DPF3: variants seen among roughly 807,000 people sequenced by gnomAD.
DPF3 encodes the protein zinc finger protein DPF3.
In DPF3, 18 loss-of-function variants were observed where a neutral mutation model predicts 56.8. That is an observed-to-expected ratio of 0.32 (90% CI 0.22 to 0.47). The LOEUF is 0.47. Ranked by LOEUF, DPF3 falls within the 20% of genes least tolerant of loss-of-function variation. The pLI is 1.00. For synonymous variants in DPF3, 188 were observed against 180.2 expected (o/e 1.04, Z -0.35); for missense variants, 403 against 488.8 (o/e 0.82, Z 1.65).
chr14:72,690,237 C>T (rs1028088169), intron 7 of DPF3, among the ~76,000 whole-genome samples: 2 of 152,152 alleles, frequency 1.3e-5, no homozygotes, highest in African/African-American at 4.8e-5. Flanking sequence ...GGCTGTGTGG[C>T]CTCAAGGGGA....
intron 8 of DPF3, among the ~76,000 whole-genome samples, chr14:72,643,209 C>T (rs1885611955): frequency 6.6e-6 from 1 of 152,224 alleles, no homozygotes; most frequent in Non-Finnish European, 1.5e-5. Flanking sequence ...CTAAATATAG[C>T]AACATTTTCT....
intron 8 of DPF3, chr14:72,662,157 A>T (rs1886244011): frequency 1.0e-6 from 1 of 985,284 alleles, no homozygotes. Flanking sequence ...AGGAGGAAAA[A>T]AAAACTGAGC....
intron 2 of DPF3, among the ~76,000 whole-genome samples, chr14:72,762,342 C>A (rs761481215): frequency 6.6e-6 from 1 of 151,676 alleles, no homozygotes; most frequent in Non-Finnish European, 1.5e-5. Context: ...AATAGCATAA[C>A]AAAGTGGGGT....
At chr14:72,841,064 G>C (rs946944431) in intron 1 of DPF3, among the ~76,000 whole-genome samples, 2 of 152,206 alleles carry the variant, frequency 1.3e-5, no homozygotes. Context: ...GCCTTAGGCG[G>C]CAGGATTTGA....
intron 8 of DPF3, among the ~76,000 whole-genome samples, chr14:72,648,001 G>A (rs1196209220): frequency 6.6e-6 from 1 of 152,084 alleles, no homozygotes; most frequent in Non-Finnish European, 1.5e-5. Flanking sequence ...GCACGTGTCT[G>A]CCTACCCCTC....
chr14:72,820,040 C>T (rs1883464552), intron 1 of DPF3, among the ~76,000 whole-genome samples: 1 of 152,096 alleles, frequency 6.6e-6, no homozygotes, highest in Non-Finnish European at 1.5e-5. Context: ...TACAAAGAGG[C>T]ACTAAGGAAC....
chr14:72,864,529 C>T (rs1885584328), intron 1 of DPF3, among the ~76,000 whole-genome samples: 2 of 152,196 alleles, frequency 1.3e-5, no homozygotes. Flanking sequence ...ATAAAAAATG[C>T]CTGTAACACT....
In DPF3 at chr14:72,714,154, C is replaced by A. The variant is rs548896686; in HGVS notation, c.604+269G>T. On this transcript the variant is annotated intron_variant, in intron 6 of 10. Coordinates refer to ENST00000556509, the MANE Select transcript of DPF3 (RefSeq NM_001280542.3). ...GAGAGAGAGCCGGAGGAGAGCCACA[C>A]AGGAGGCATGGCAGGAGGTGGGGGT... Among the ~76,000 whole-genome samples, 4 of 152,342 alleles carry A rather than the reference C, an allele frequency of 2.6e-5. No individual in the cohort carries two copies. In the South Asian group the frequency reaches 8.3e-4, roughly 32 times the overall value.
chr14:72,650,812 C>T lies in DPF3; in HGVS notation c.872-21076G>A, dbSNP rs575163500. Reference sequence around the variant, plus strand: ...GCGTCTCCCTCCAAGACAGGATCAGCGTGTGTGGGTGGGAGGTATACAAAA... The same window carrying T: ...GCGTCTCCCTCCAAGACAGGATCAGTGTGTGTGGGTGGGAGGTATACAAAA... On this transcript the variant is annotated intron_variant, in intron 8 of 10. Transcript: ENST00000556509. Among the ~76,000 whole-genome samples, 61 of 152,262 alleles carry T rather than the reference C, an allele frequency of 4.0e-4. 1 individual carries two copies. In the East Asian group the frequency reaches 7.7e-3, roughly 19 times the overall value.
chr14:72,711,385 AT>A (rs1481489967), intron 6 of DPF3, among the ~76,000 whole-genome samples: 1 of 152,188 alleles, frequency 6.6e-6, no homozygotes, highest in Non-Finnish European at 1.5e-5. Flanking sequence ...ATGCAGACTG[AT>A]TTATGGAAGA....
At chr14:72,759,098 T>C (rs1382469002) in intron 2 of DPF3, among the ~76,000 whole-genome samples, 3 of 152,202 alleles carry the variant, frequency 2.0e-5, no homozygotes, top group African/African-American at 2.4e-5. Flanking sequence ...ATTTGGGAGA[T>C]ACATATGTAT....
chr14:72,664,465 C>T (rs882319), intron 8 of DPF3, among the ~76,000 whole-genome samples: 16,782 of 152,046 alleles, frequency 0.11, 2,099 homozygotes, highest in African/African-American at 0.29. Flanking sequence ...CTGCAGGCCA[C>T]AAAAATGAAA....
chr14:72,803,171 G>C (rs1395373845), intron 1 of DPF3, among the ~76,000 whole-genome samples: 1 of 152,198 alleles, frequency 6.6e-6, no homozygotes, highest in Non-Finnish European at 1.5e-5. Context: ...TCCTAAGTTT[G>C]TGTCCATAGA....
At chr14:72,645,388 C>A (rs1885692443) in intron 8 of DPF3, among the ~76,000 whole-genome samples, 1 of 151,962 alleles carries the variant, frequency 6.6e-6, no homozygotes, top group African/African-American at 2.4e-5. Context: ...CACCTGCCGC[C>A]TCCTTGGCTC....
intron 3 of DPF3, among the ~76,000 whole-genome samples, chr14:72,740,922 C>T (rs1475795641): frequency 2.0e-5 from 3 of 152,118 alleles, no homozygotes; most frequent in Admixed American, 2.0e-4. Flanking sequence ...TAAGACAGAG[C>T]TGGGCATGGT....
At chr14:72,744,344 C>T (rs973527269) in intron 3 of DPF3, among the ~76,000 whole-genome samples, 3 of 151,994 alleles carry the variant, frequency 2.0e-5, no homozygotes, top group Non-Finnish European at 4.4e-5. Flanking sequence ...GCAATCATGG[C>T]TCACTGCAGC....
chr14:72,727,450 C>G (rs1053054931), intron 4 of DPF3, among the ~76,000 whole-genome samples: 1 of 152,040 alleles, frequency 6.6e-6, no homozygotes, highest in Admixed American at 6.6e-5. Flanking sequence ...GTGGTGGGCA[C>G]CTGTAATCCC....
chr14:72,811,277 G>A (rs533235358), intron 1 of DPF3, among the ~76,000 whole-genome samples: 16 of 152,222 alleles, frequency 1.1e-4, no homozygotes, highest in African/African-American at 3.9e-4. Flanking sequence ...GCTTTGCAGG[G>A]GACAAACATT....
At chr14:72,679,037 G>A (rs901172611) in intron 7 of DPF3, among the ~76,000 whole-genome samples, 2 of 152,234 alleles carry the variant, frequency 1.3e-5, no homozygotes, top group Non-Finnish European at 2.9e-5. Flanking sequence ...CACGCTCAGG[G>A]AAGCGAGAGC....
Sources: gnomAD v4.1 joint callset for allele counts (sites outside exome capture counted in the v4.1 genomes callset) on GRCh38, gnomAD v4.1.1 for gene constraint, MANE v1.5 for transcripts, NCBI Gene and HGNC (gene_info 2026-07-23, HGNC 2026-07-21) for gene names.